The following DAG1 variants were observed in gnomAD, a reference collection of about 807,000 sequenced individuals.
The protein encoded by DAG1 is dystroglycan 1.
In DAG1, 8 loss-of-function variants were observed where a neutral mutation model predicts 46.1. The ratio of observed to expected loss-of-function variants is 0.17; its 90% CI spans 0.10 to 0.31. DAG1 has a LOEUF of 0.31. Among genes scored for constraint, DAG1 ranks in the 10% least tolerant of loss-of-function variants. The pLI, the probability that DAG1 is intolerant of heterozygous loss-of-function variation, is 1.00. For synonymous variants in DAG1, 495 were observed against 481.8 expected (o/e 1.03, Z -0.36); for missense variants, 1,003 against 1,189.9 (o/e 0.84, Z 2.31).
At chr3:49,498,215 A>T (rs1293164924) in intron 1 of DAG1, among the ~76,000 whole-genome samples, 1 of 152,148 alleles carries the variant, frequency 6.6e-6, no homozygotes, top group Non-Finnish European at 1.5e-5. Flanking sequence ...GTATTTCCAC[A>T]TTGCCTGCAG....
chr3:49,505,708 G>A (rs1278162086), intron 1 of DAG1, among the ~76,000 whole-genome samples: 4 of 151,648 alleles, frequency 2.6e-5, no homozygotes, highest in African/African-American at 4.8e-5. Flanking sequence ...TTTCGCTCTT[G>A]TTGCCCAGGT....
rs776887760 is a variant in DAG1 at position 49,531,837 on chromosome 3, C to T, written c.1326C>T (p.Thr442=). The change falls in exon 3 of 3, where the codon ACC becomes ACT. Residue 442 remains threonine (T), a synonymous_variant. Coordinates refer to ENST00000308775, the MANE Select transcript of DAG1 (RefSeq NM_004393.6). This position sits in a 1 kb window ranked among gnomAD's most constrained non-coding sequence, Gnocchi z 7.0. ...PKPATPSTDS[T]TTTTRRPTKK... is the part of the protein sequence containing the mutation. ...CAGCAACGCCTTCAACTGACTCCAC[C>T]ACCACCACGACTCGCAGGCCAACCA... The T allele has an allele frequency of 5.6e-6, 9 of 1,613,904 alleles. No homozygotes were observed. The highest frequency in any genetic ancestry group is 7.6e-6 in the Non-Finnish European group (9 of 1,180,028).
At chr3:49,486,420 G>C (rs904779394) in intron 1 of DAG1, among the ~76,000 whole-genome samples, 5 of 151,430 alleles carry the variant, frequency 3.3e-5, no homozygotes, top group Non-Finnish European at 7.4e-5. Flanking sequence ...GGGTTTCACC[G>C]TGTTAGCCAG....
At chr3:49,501,617 G>T (rs1045696833) in intron 1 of DAG1, among the ~76,000 whole-genome samples, 1 of 152,152 alleles carries the variant, frequency 6.6e-6, no homozygotes, top group East Asian at 1.9e-4. Flanking sequence ...TTCAAGACCA[G>T]CCTGGCCAAC....
Position 49,478,802 on chromosome 3 carries a change from C to CTTTTTTTTTTTTTTT in DAG1, c.-117+8383_-117+8397dup, listed in dbSNP as rs201202889. Among the ~76,000 whole-genome samples the CTTTTTTTTTTTTTTT allele has an allele frequency of 4.3e-4, 33 of 76,012 alleles. 3 individuals carry two copies. The highest frequency in any genetic ancestry group is 5.4e-4 in the African/African-American group (10 of 18,622). 49.9% of individuals were successfully genotyped at this position (76,012 alleles called of 152,430 possible). ...TGAAAAGTCTCTTGTCGTCCCCTCCCTTTTTTTTTTTTTTTTTTTTTTTTT... is the reference window on the plus strand; with the variant it reads ...TGAAAAGTCTCTTGTCGTCCCCTCCCTTTTTTTTTTTTTTTTTTTTTTTTTTTTTTTTTTTTTTTT... On this transcript the variant is annotated intron_variant, in intron 1 of 2. Transcript: ENST00000308775.
rs76469660 is a variant in DAG1, at chr3:49,522,684, A to C, written c.286-8113A>C. Among the ~76,000 whole-genome samples, 125 of 152,312 alleles carry C rather than the reference A, an allele frequency of 8.2e-4. 2 individuals are homozygous for C. The East Asian group carries it at 0.02, about 25-fold the overall frequency. ...TGTTTTGGGATGCACTTTGTGGGTCAGGATTTCAGAAGCTGGTTATAGGCT... is the reference window on the plus strand; with the variant it reads ...TGTTTTGGGATGCACTTTGTGGGTCCGGATTTCAGAAGCTGGTTATAGGCT... On this transcript the variant is annotated intron_variant, in intron 2 of 2. Coordinates refer to ENST00000308775, the MANE Select transcript of DAG1 (RefSeq NM_004393.6).
At chr3:49,479,419 C>T (rs1411633895) in intron 1 of DAG1, among the ~76,000 whole-genome samples, 6 of 150,532 alleles carry the variant, frequency 4.0e-5, no homozygotes, top group African/African-American at 1.5e-4. Flanking sequence ...AAGTGATTCT[C>T]CTATCTCAGC....
chr3:49,501,127 T>C (rs867370989), intron 1 of DAG1, among the ~76,000 whole-genome samples: 2 of 152,212 alleles, frequency 1.3e-5, no homozygotes, highest in South Asian at 2.1e-4. Flanking sequence ...ATCGCCTGCC[T>C]GCTAAATGCA....
chr3:49,519,012 C>A (rs1052809546), intron 2 of DAG1, among the ~76,000 whole-genome samples: 4 of 152,162 alleles, frequency 2.6e-5, no homozygotes, highest in Non-Finnish European at 5.9e-5. Flanking sequence ...GACCCTTTCT[C>A]CTTATCAGGG....
At chr3:49,493,193 G>A (rs969124679) in intron 1 of DAG1, among the ~76,000 whole-genome samples, 6 of 151,448 alleles carry the variant, frequency 4.0e-5, no homozygotes, top group Admixed American at 2.0e-4. Flanking sequence ...ATAGGCATGC[G>A]TCACCACACT....
Position 49,533,200 on chromosome 3 carries a change from C to T in DAG1, c.*1C>T. 6.8e-6 allele frequency: 11 copies of T among 1,611,720 alleles called. No homozygotes were observed. Among genetic ancestry groups the T allele is most frequent in the East Asian group, 2.2e-5 (1 of 44,878 alleles). Reference sequence around the variant, plus strand: ...ACCTCCTCCCTATGTCCCACCTTAACCCGCAAGCGCCTGGGTGGAGGCAGG... The same window carrying T: ...ACCTCCTCCCTATGTCCCACCTTAATCCGCAAGCGCCTGGGTGGAGGCAGG... On this transcript the variant is annotated 3_prime_UTR_variant, in exon 3 of 3. Transcript: ENST00000308775.
rs577146608 is a variant in DAG1 at position 49,473,154 on chromosome 3, G to A, written c.-117+2721G>A. The stretch of plus-strand genomic sequence containing the variant: ...CAACTGGCCAGGCGCGGTGGCTCAC[G>A]CCCGTAATCCCAGCACTTTGGGAGG... On this transcript the variant is annotated intron_variant, in intron 1 of 2. Transcript: ENST00000308775. Among the ~76,000 whole-genome samples the A allele has an allele frequency of 4.6e-5, 7 of 151,876 alleles. No homozygotes were observed. In the East Asian group the frequency reaches 5.8e-4, roughly 13 times the overall value.
chr3:49,484,262 G>A (rs2049957815), intron 1 of DAG1, among the ~76,000 whole-genome samples: 1 of 152,128 alleles, frequency 6.6e-6, no homozygotes, highest in African/African-American at 2.4e-5. Context: ...AATTTTAAAA[G>A]TAGTTAGAAA....
intron 1 of DAG1, among the ~76,000 whole-genome samples, chr3:49,505,980 T>TC (rs1491582535): frequency 6.9e-6 from 1 of 145,508 alleles, no homozygotes; most frequent in African/African-American, 2.5e-5. Context: ...TATTTTTTTT[T>TC]CTTTTTTTTT....
intron 2 of DAG1, among the ~76,000 whole-genome samples, chr3:49,514,694 A>G (rs1369194507): frequency 6.6e-5 from 10 of 151,498 alleles, no homozygotes; most frequent in Admixed American, 6.6e-4. Context: ...GATGGAGTAC[A>G]ATGGCGTGAT....
intron 2 of DAG1, among the ~76,000 whole-genome samples, chr3:49,517,577 G>C (rs938394155): frequency 6.6e-6 from 1 of 152,198 alleles, no homozygotes; most frequent in Non-Finnish European, 1.5e-5. Context: ...TTGAGCCAGA[G>C]CAGAAGCTGA....
rs144753260 is a variant in DAG1, at chr3:49,531,155, G to A, written c.644G>A (p.Arg215Gln). The A allele has an allele frequency of 8.1e-6, 13 of 1,614,084 alleles. No individual in the cohort carries two copies. The highest frequency in any genetic ancestry group is 1.3e-5 in the African/African-American group (1 of 74,922). ...KQRIDLLHRM[R>Q]SFSEVELHNM... is the part of the protein sequence containing the mutation. ...AGGATTGACCTCCTGCACAGGATGC[G>A]GAGCTTCTCAGAAGTAGAGCTTCAC... The change falls in exon 3 of 3, where the codon CGG becomes CAG. Residue 215 changes from arginine (R) to glutamine (Q), a missense_variant. By Grantham distance (43) the Arg-to-Gln change is conservative. This residue lies in a region of DAG1 where 52 missense variants were observed against 96.7 expected (regional missense o/e 0.54). Transcript: ENST00000308775. The surrounding 1 kb of genome is among the most constrained non-coding windows in gnomAD (Gnocchi z 7.0).
chr3:49,481,835 C>T (rs1297051444), intron 1 of DAG1, among the ~76,000 whole-genome samples: 1 of 152,252 alleles, frequency 6.6e-6, no homozygotes, highest in East Asian at 1.9e-4. Flanking sequence ...AAACAAGCAC[C>T]TCTTATAGAG....
chr3:49,482,028 A>G (rs1219616695), intron 1 of DAG1, among the ~76,000 whole-genome samples: 5 of 152,196 alleles, frequency 3.3e-5, no homozygotes. Flanking sequence ...TACCATTTAC[A>G]TTGTATTATG....
Sources: gnomAD v4.1 joint callset for allele counts (sites outside exome capture counted in the v4.1 genomes callset) on GRCh38, gnomAD v4.1.1 for gene constraint, gnomAD v4.1.1 regional missense constraint, Gnocchi (gnomAD v3.1) non-coding constraint, MANE v1.5 for transcripts, NCBI Gene and HGNC (gene_info 2026-07-23, HGNC 2026-07-21) for gene names.